The following TDRD12 variants were observed in gnomAD, a reference collection of about 807,000 sequenced individuals.
TDRD12 encodes the protein putative ATP-dependent RNA helicase TDRD12.
Under a neutral mutation model 133.5 loss-of-function variants are expected in TDRD12, and 158 were observed. That is an observed-to-expected ratio of 1.18 (90% CI 1.04 to 1.35). TDRD12 has a LOEUF of 1.35. Among genes scored for constraint, TDRD12 ranks in the 40% most tolerant of loss-of-function variants. The pLI, the probability that TDRD12 is intolerant of heterozygous loss-of-function variation, is 0.00. For missense variants in TDRD12, 1,443 were observed against 1,321.3 expected (o/e 1.09, Z -1.43); for synonymous variants, 460 against 477.9 (o/e 0.96, Z 0.49).
intron 19 of TDRD12, 56 bp from the exon 20 acceptor site, chr19:32,802,600 T>TA: frequency 6.6e-7 from 1 of 1,512,310 alleles, no homozygotes; most frequent in Non-Finnish European, 8.8e-7. Context: ...AACTGCCGGT[T>TA]AAAGTAAGTG....
intron 8 of TDRD12, among the ~76,000 whole-genome samples, chr19:32,771,056 G>A (rs1253844396): frequency 6.6e-6 from 1 of 152,220 alleles, no homozygotes; most frequent in African/African-American, 2.4e-5. Context: ...CATAGAGCTG[G>A]CATCTGCTTA....
chr19:32,772,889 A>T (rs370053676), intron 9 of TDRD12, 39 bp downstream of exon 9: 1 of 1,199,580 alleles, frequency 8.3e-7, no homozygotes, highest in East Asian at 2.9e-5. Flanking sequence ...CAAAGTTCAT[A>T]TAGTGTTAAT....
At chr19:32,806,944 G>A (rs1286937378) in intron 21 of TDRD12, among the ~76,000 whole-genome samples, 1 of 152,152 alleles carries the variant, frequency 6.6e-6, no homozygotes, top group African/African-American at 2.4e-5. Flanking sequence ...TTACAGGCAC[G>A]AGCCACTGTG....
chr19:32,807,219 A>T (rs1747000649), intron 21 of TDRD12, among the ~76,000 whole-genome samples: 1 of 136,886 alleles, frequency 7.3e-6, no homozygotes, highest in Admixed American at 8.1e-5. Flanking sequence ...GTGAGACATG[A>T]TCTTGCCACT....
intron 1 of TDRD12, among the ~76,000 whole-genome samples, chr19:32,721,309 C>CT (rs1968654310): frequency 6.6e-6 from 1 of 152,300 alleles, no homozygotes; most frequent in South Asian, 2.1e-4. Flanking sequence ...AATCTAAATA[C>CT]TTTGAAAATC....
chr19:32,815,599 A>G, exon 26 of TDRD12: 1 of 1,536,050 alleles, frequency 6.5e-7, no homozygotes, highest in Non-Finnish European at 8.7e-7. Flanking sequence ...CCAGCTTGTG[A>G]AGAAAGCCTA....
At chr19:32,826,030 A>G, downstream of TDRD12, 2 of 1,190,256 alleles carry the variant, frequency 1.7e-6, no homozygotes, top group Non-Finnish European at 2.4e-6. Flanking sequence ...AAGTATATAT[A>G]TATGTGTGTA....
chr19:32,721,519 G>A (rs1306585785), intron 1 of TDRD12, among the ~76,000 whole-genome samples: 2 of 151,654 alleles, frequency 1.3e-5, no homozygotes, highest in Non-Finnish European at 2.9e-5. Flanking sequence ...CCGAGTAGCT[G>A]GGATTACAGG....
Position 32,720,064 on chromosome 19 carries a change from G to T in TDRD12, c.-9G>T, listed in dbSNP as rs567010604. ...CGAGGGGGCCCATCTGCCCTCGGGC[G>T]CCAGGAGGATGCTCCAGCTCCTGGT... is the stretch of plus-strand genomic sequence containing the variant. On this transcript the variant is annotated 5_prime_UTR_variant, in exon 1 of 28. Transcript: ENST00000444215. 2.0e-4 allele frequency: 313 copies of T among 1,548,338 alleles called. No individual in the cohort carries two copies. In the African/African-American group the frequency reaches 3.9e-3, roughly 19 times the overall value.
chr19:32,753,679 T>C (rs1263527613), intron 6 of TDRD12, among the ~76,000 whole-genome samples: 2 of 150,676 alleles, frequency 1.3e-5, no homozygotes, highest in Non-Finnish European at 3.0e-5. Flanking sequence ...AATTTTTTTT[T>C]TTTTTTTTTT....
intron 8 of TDRD12, among the ~76,000 whole-genome samples, chr19:32,768,255 C>T (rs759845724): frequency 7.9e-5 from 12 of 152,120 alleles, no homozygotes; most frequent in Non-Finnish European, 1.6e-4. Context: ...TGCCACACTC[C>T]CCAGCACAGA....
chr19:32,768,062 T>C (rs966361028), intron 8 of TDRD12, among the ~76,000 whole-genome samples: 3 of 152,264 alleles, frequency 2.0e-5, no homozygotes, highest in African/African-American at 7.2e-5. Flanking sequence ...ACTCATTTTC[T>C]TACATATTGT....
chr19:32,792,343 C>T (rs1188118237), intron 13 of TDRD12, among the ~76,000 whole-genome samples: 2 of 152,018 alleles, frequency 1.3e-5, no homozygotes, highest in African/African-American at 4.8e-5. Context: ...GAATAAATAT[C>T]CCCGGAGAGA....
chr19:32,744,414 C>T (rs560796701), intron 4 of TDRD12, among the ~76,000 whole-genome samples: 32 of 144,040 alleles, frequency 2.2e-4, no homozygotes, highest in Non-Finnish European at 4.3e-4. Flanking sequence ...GCAAGAGAAT[C>T]GCTTGAACCC....
chr19:32,821,376 G>A (rs549415956), downstream of TDRD12: 26 of 252,524 alleles, frequency 1.0e-4, no homozygotes, highest in African/African-American at 1.3e-3. Context: ...CAGAGTGTGT[G>A]TGTGTGTGTG....
At chr19:32,745,753 G>T (rs999560258) in intron 4 of TDRD12, among the ~76,000 whole-genome samples, 2 of 136,810 alleles carry the variant, frequency 1.5e-5, no homozygotes, top group African/African-American at 5.9e-5. Flanking sequence ...TGGTTATTCT[G>T]TGTGTGTGTG....
intron 10 of TDRD12, among the ~76,000 whole-genome samples, chr19:32,774,102 G>A (rs1243850664): frequency 1.3e-5 from 2 of 152,204 alleles, no homozygotes; most frequent in African/African-American, 2.4e-5. Flanking sequence ...TCCTCTTCAA[G>A]ATACATGTCA....
exon 7 of TDRD12, chr19:32,756,154 C>A: frequency 1.4e-6 from 2 of 1,432,220 alleles, no homozygotes; most frequent in Admixed American, 3.7e-5. Context: ...AATGTTTTTG[C>A]AAGGAAAAGA....
intron 1 of TDRD12, among the ~76,000 whole-genome samples, chr19:32,722,982 C>T (rs118176820): frequency 6.6e-6 from 1 of 151,912 alleles, no homozygotes; most frequent in African/African-American, 2.4e-5. Context: ...ACCTGGCCCC[C>T]CCATGTAACC....
Sources: gnomAD v4.1 joint callset for allele counts (sites outside exome capture counted in the v4.1 genomes callset) on GRCh38, gnomAD v4.1.1 for gene constraint, MANE v1.5 for transcripts, NCBI Gene and HGNC (gene_info 2026-07-23, HGNC 2026-07-21) for gene names.